SYMPK: variants seen among roughly 807,000 people sequenced by gnomAD.
The protein encoded by SYMPK is symplekin scaffold protein, also known as symplekin.
A neutral mutation model predicts 136.4 loss-of-function variants in SYMPK; 49 were observed. That is an observed-to-expected ratio of 0.36 (90% CI 0.29 to 0.46). The LOEUF (loss-of-function observed/expected upper bound fraction) is 0.46. SYMPK is among the 20% of genes least tolerant of loss of function. The probability of loss-of-function intolerance (pLI) is 1.00; values close to 1 mark genes in which losing one functional copy is unlikely to be tolerated. For missense variants in SYMPK, 1,365 were observed against 1,690.0 expected (o/e 0.81, Z 3.37); for synonymous variants, 766 against 713.0 (o/e 1.07, Z -1.19).
intron 3 of SYMPK, 82 bp downstream of exon 3, chr19:45,854,093 G>A (rs778686300): frequency 8.6e-6 from 11 of 1,282,740 alleles, no homozygotes; most frequent in Admixed American, 3.4e-5. Context: ...TGTGGACACT[G>A]GTGTTACTGC....
intron 8 of SYMPK, 59 bp downstream of exon 8, chr19:45,843,967 AAAAG>A: frequency 9.9e-6 from 10 of 1,010,796 alleles, no homozygotes; most frequent in South Asian, 3.0e-5. Flanking sequence ...AAAAAAAAAA[AAAAG>A]AAAGAGCAGA....
chr19:45,823,901 G>A (rs761258527), intron 18 of SYMPK, 26 bp from the exon 19 acceptor site: 3 of 1,597,546 alleles, frequency 1.9e-6, no homozygotes, highest in East Asian at 2.2e-5. Flanking sequence ...GGGATGACCA[G>A]ACCCAGGGTG....
Position 45,821,655 on chromosome 19 carries a change from A to G in SYMPK, c.2792-170T>C, listed in dbSNP as rs1970900633. Among the ~76,000 whole-genome samples, 1 of 152,196 alleles carries G rather than the reference A, an allele frequency of 6.6e-6. No individual in the cohort carries two copies. Among genetic ancestry groups the G allele is most frequent in the Non-Finnish European group, 1.5e-5 (1 of 68,034 alleles). On this transcript the variant is annotated intron_variant, in intron 21 of 26. Transcript: ENST00000245934. The surrounding 1 kb of genome is among the most constrained non-coding windows in gnomAD (Gnocchi z 4.4). ...AACATAAAAAGGGGACACCGAAGGC[A>G]GCAGCAGCCCTCAGGCAGCGTGAGG...
chr19:45,818,119 T>TTCCGC lies in SYMPK; in HGVS notation c.2916_2920dup (p.Asn974SerfsTer13). ...GGCCAGCACCTCTGACGTGTACACG[T>TTCCGC]TCCGCTCCGCAAAGCACAGGTTGGT... On this transcript the variant is annotated frameshift_variant, in exon 23 of 27. Transcript: ENST00000245934. LOFTEE classifies it high-confidence loss of function. 6.4e-7 allele frequency: 1 copy of TTCCGC among 1,553,168 alleles called. No homozygotes were observed. The highest frequency in any genetic ancestry group is 8.7e-7 in the Non-Finnish European group (1 of 1,147,988).
chr19:45,836,083 T>G (rs1212590739), intron 10 of SYMPK, among the ~76,000 whole-genome samples: 1 of 151,758 alleles, frequency 6.6e-6, no homozygotes, highest in African/African-American at 2.4e-5. Flanking sequence ...TCCTTTTTAT[T>G]TATTTATTTA....
chr19:45,823,759 A>G lies in SYMPK; in HGVS notation c.2599+8T>C, dbSNP rs763706876. ...AAAGCCATGAAAGGTGGGGGTCTCCAGGGTCACCTTTGTCTGTGAGGCTGT... is the reference window on the plus strand; with the variant it reads ...AAAGCCATGAAAGGTGGGGGTCTCCGGGGTCACCTTTGTCTGTGAGGCTGT... On this transcript the variant is annotated splice_region_variant and intron_variant, in intron 19 of 26. Transcript: ENST00000245934. 1.2e-6 allele frequency: 2 copies of G among 1,612,588 alleles called. No individual in the cohort carries two copies. The highest frequency in any genetic ancestry group is 1.7e-6 in the Non-Finnish European group (2 of 1,178,718).
chr19:45,821,805 C>T lies in SYMPK; in HGVS notation c.2792-320G>A, dbSNP rs540356541. ...GGTAGGACCACCTCCTCGTGTGGTC[C>T]CCAACACAGACTCCACCGCGGCACA... On this transcript the variant is annotated intron_variant, in intron 21 of 26. Transcript: ENST00000245934. The surrounding 1 kb of genome is among the most constrained non-coding windows in gnomAD (Gnocchi z 4.4). Among the ~76,000 whole-genome samples, 1 of 152,246 alleles carries T rather than the reference C, an allele frequency of 6.6e-6. No individual in the cohort carries two copies. The highest frequency in any genetic ancestry group is 2.4e-5 in the African/African-American group (1 of 41,550).
chr19:45,851,188 C>A (rs765935294), intron 5 of SYMPK, among the ~76,000 whole-genome samples: 1 of 152,094 alleles, frequency 6.6e-6, no homozygotes, highest in Non-Finnish European at 1.5e-5. Flanking sequence ...AGAGTGGAAG[C>A]GGGAAATGAG....
chr19:45,835,373 AC>A (rs1600510427), intron 10 of SYMPK, 145 bp from the exon 11 acceptor site: 1 of 697,360 alleles, frequency 1.4e-6, no homozygotes, highest in East Asian at 2.9e-5. Context: ...TCTGGAAGTC[AC>A]AGAGAAAACA....
intron 7 of SYMPK, among the ~76,000 whole-genome samples, chr19:45,845,130 T>C (rs943353078): frequency 1.3e-5 from 2 of 150,986 alleles, no homozygotes; most frequent in African/African-American, 4.9e-5. Flanking sequence ...TTTTTTTCCC[T>C]GAGATGGGGT....
At position 45,821,082 on chromosome 19, in the gene SYMPK, T is replaced by G. The variant is rs1600492086; in HGVS notation, c.2893+302A>C. ...TCCTTCTGTTCCTCGGGGCTAGGGG[T>G]GGGGCTACCCAACTGCTTTAGGCCC... On this transcript the variant is annotated intron_variant, in intron 22 of 26. Transcript: ENST00000245934. The surrounding 1 kb of genome is among the most constrained non-coding windows in gnomAD (Gnocchi z 4.4). 1.6e-6 allele frequency: 1 copy of G among 641,492 alleles called. No individual in the cohort carries two copies. The highest frequency in any genetic ancestry group is 2.8e-6 in the Non-Finnish European group (1 of 358,374). 39.7% of individuals were successfully genotyped at this position (641,492 alleles called of 1,614,324 possible).
chr19:45,851,758 C>T (rs900623722), intron 5 of SYMPK, among the ~76,000 whole-genome samples: 31 of 152,004 alleles, frequency 2.0e-4, no homozygotes, highest in South Asian at 1.0e-3. Flanking sequence ...CCTGTAATCC[C>T]AGCTACTTGG....
intron 5 of SYMPK, among the ~76,000 whole-genome samples, chr19:45,851,330 C>A (rs1971692465): frequency 6.6e-6 from 1 of 152,120 alleles, no homozygotes; most frequent in Admixed American, 6.5e-5. Flanking sequence ...AATCCCCGCA[C>A]TTTGGGAGGC....
At chr19:45,839,376 T>A (rs549406043) in intron 9 of SYMPK, among the ~76,000 whole-genome samples, 3 of 152,184 alleles carry the variant, frequency 2.0e-5, no homozygotes, top group African/African-American at 7.2e-5. Context: ...GTCTAGAACA[T>A]CTTGTCATGC....
Position 45,847,976 on chromosome 19 carries a change from C to T in SYMPK, c.452G>A (p.Ser151Asn), listed in dbSNP as rs758060264. 1.9e-6 allele frequency: 3 copies of T among 1,599,860 alleles called. No homozygotes were observed. The highest frequency in any genetic ancestry group is 1.1e-5 in the South Asian group (1 of 89,362). The change falls in exon 7 of 27, where the codon AGC (serine) becomes AAC (asparagine). Residue 151 changes from serine to asparagine, a missense_variant. By Grantham distance (46) the Ser-to-Asn change is conservative. Around this residue, in one of 11 missense-constraint regions of SYMPK, gnomAD observed 237 missense variants for 292.9 expected, o/e 0.81. Coordinates refer to ENST00000245934, the MANE Select transcript of SYMPK (RefSeq NM_004819.3). ...LQWMVKSRVI[S>N]ELQEACWDMV... ...GTCCCAGCAGGCCTCCTGTAGCTCGCTAATGACCCGTGACTTTACCATCCA... is the reference window on the plus strand; with the variant it reads ...GTCCCAGCAGGCCTCCTGTAGCTCGTTAATGACCCGTGACTTTACCATCCA...
At chr19:45,855,631 G>A (rs1971805676) in intron 1 of SYMPK, 1 of 152,102 alleles carries the variant, frequency 6.6e-6, no homozygotes, top group Admixed American at 6.6e-5. Flanking sequence ...CTGATAGAGA[G>A]TGCATACATT....
chr19:45,834,111 C>A (rs551812520), intron 11 of SYMPK, among the ~76,000 whole-genome samples: 1 of 152,060 alleles, frequency 6.6e-6, no homozygotes, highest in Non-Finnish European at 1.5e-5. Context: ...GACGGTGAAA[C>A]CCCCGTCTCT....
intron 11 of SYMPK, among the ~76,000 whole-genome samples, chr19:45,832,855 C>CAAAAAAA: frequency 8.4e-6 from 1 of 118,660 alleles, no homozygotes; most frequent in Non-Finnish European, 1.7e-5. Flanking sequence ...ACTAAAAATA[C>CAAAAAAA]AAAAAAAAAA....
Position 45,854,250 on chromosome 19 carries a change from G to A in SYMPK, c.106-10C>T. 3.7e-6 allele frequency: 6 copies of A among 1,614,062 alleles called. No homozygotes were observed. The highest frequency in any genetic ancestry group is 5.1e-6 in the Non-Finnish European group (6 of 1,179,962). ...TCAGAAGATCCACCACCTGGAAGGAGGGGGAGTGGCAGGGGATAGTGCCAG... is the reference window on the plus strand; with the variant it reads ...TCAGAAGATCCACCACCTGGAAGGAAGGGGAGTGGCAGGGGATAGTGCCAG... On this transcript the variant is annotated splice_polypyrimidine_tract_variant and intron_variant, in intron 2 of 26. Transcript: ENST00000245934.
Sources: gnomAD v4.1 joint callset for allele counts (sites outside exome capture counted in the v4.1 genomes callset) on GRCh38, gnomAD v4.1.1 for gene constraint, gnomAD v4.1.1 regional missense constraint, Gnocchi (gnomAD v3.1) non-coding constraint, MANE v1.5 for transcripts, NCBI Gene and HGNC (gene_info 2026-07-23, HGNC 2026-07-21) for gene names.